The following DMD variants were observed in gnomAD, a reference collection of about 807,000 sequenced individuals.
The protein encoded by DMD is mutant dystrophin.
In DMD, 63 loss-of-function variants were observed where a neutral mutation model predicts 330.1. The observed-to-expected ratio is 0.19, with a 90% CI of 0.16 to 0.24. DMD has a LOEUF of 0.24. Ranked by LOEUF, DMD falls within the 10% of genes least tolerant of loss-of-function variation. The pLI is 1.00. For synonymous variants in DMD, 1,223 were observed against 959.8 expected (o/e 1.27, Z -5.07); for missense variants, 3,344 against 2,684.1 (o/e 1.25, Z -5.43).
At chrX:32,719,031 C>T (rs1430802430) in intron 7 of DMD, among the ~76,000 whole-genome samples, 3 of 111,381 alleles carry the variant, frequency 2.7e-5, no homozygotes, top group Non-Finnish European at 3.8e-5. Context: ...ATTCAATTAC[C>T]TACATATATA....
chrX:32,138,564 A>G (rs1240772775), intron 44 of DMD, among the ~76,000 whole-genome samples: 1 of 111,579 alleles, frequency 9.0e-6, no homozygotes, highest in East Asian at 2.8e-4. Flanking sequence ...ACTTTATTTC[A>G]TCTAATGAAC....
chrX:32,745,888 C>CAG (rs1304392380), intron 7 of DMD, among the ~76,000 whole-genome samples: 16 of 111,525 alleles, frequency 1.4e-4, no homozygotes, highest in Non-Finnish European at 2.3e-4. Context: ...TCTGTATTTT[C>CAG]CTTAATAAAA....
intron 20 of DMD, among the ~76,000 whole-genome samples, chrX:32,487,304 A>T: frequency 8.9e-6 from 1 of 111,889 alleles, no homozygotes; most frequent in East Asian, 2.8e-4. Context: ...GCCCTTTTTA[A>T]AAGTGTTATT....
At chrX:31,421,483 A>G (rs2063358034) in intron 60 of DMD, among the ~76,000 whole-genome samples, 1 of 111,859 alleles carries the variant, frequency 8.9e-6, no homozygotes, top group Admixed American at 9.6e-5. Flanking sequence ...TAAAATCCAC[A>G]TTTCTATCAA....
chrX:32,563,705 C>A (rs781281328), intron 16 of DMD, among the ~76,000 whole-genome samples: 3 of 111,616 alleles, frequency 2.7e-5, no homozygotes, highest in South Asian at 3.7e-4. Flanking sequence ...AGTAATATTT[C>A]GATGACATGT....
intron 45 of DMD, among the ~76,000 whole-genome samples, chrX:31,963,592 C>T (rs1413442142): frequency 9.0e-6 from 1 of 110,749 alleles, no homozygotes; most frequent in African/African-American, 3.3e-5. Context: ...TTTCTACGTA[C>T]TATTCACCTC....
chrX:32,146,935 A>G (rs2096780850), intron 44 of DMD, among the ~76,000 whole-genome samples: 2 of 112,452 alleles, frequency 1.8e-5, no homozygotes, highest in Non-Finnish European at 3.8e-5. Flanking sequence ...CTGACAGCAG[A>G]GTATCTGTTC....
At chrX:33,121,416 A>G (rs901499351) in intron 1 of DMD, among the ~76,000 whole-genome samples, 10 of 110,567 alleles carry the variant, frequency 9.0e-5, no homozygotes, top group African/African-American at 2.6e-4. Flanking sequence ...TATTTTTGGT[A>G]GAGACGGGGT....
At chrX:31,621,947 C>T (rs1301258466) in intron 55 of DMD, among the ~76,000 whole-genome samples, 1 of 111,935 alleles carries the variant, frequency 8.9e-6, no homozygotes, top group Non-Finnish European at 1.9e-5. Context: ...TTTCTCTAAA[C>T]AGAGGTTCTC....
chrX:32,661,081 T>C (rs144321356), intron 9 of DMD, among the ~76,000 whole-genome samples: 72 of 109,369 alleles, frequency 6.6e-4, no homozygotes, highest in African/African-American at 2.4e-3. Flanking sequence ...TGAAAACCTG[T>C]ATATTAAAAA....
At chrX:31,879,797 A>AGAT (rs777166170) in intron 47 of DMD, among the ~76,000 whole-genome samples, 1 of 112,305 alleles carries the variant, frequency 8.9e-6, no homozygotes, top group African/African-American at 3.2e-5. Flanking sequence ...ACGTGGAAAA[A>AGAT]GATTAAGGTT....
chrX:31,859,294 TAA>T (rs1374886095), intron 48 of DMD, among the ~76,000 whole-genome samples: 1 of 111,726 alleles, frequency 9.0e-6, no homozygotes, highest in Admixed American at 9.5e-5. Flanking sequence ...TCCCAACCCA[TAA>T]AAAGAGACTG....
At chrX:31,880,394 T>C (rs1233025218) in intron 47 of DMD, among the ~76,000 whole-genome samples, 11 of 110,984 alleles carry the variant, frequency 9.9e-5, no homozygotes, top group Non-Finnish European at 2.1e-4. Flanking sequence ...TTTTAGCATA[T>C]AAAAAAATCT....
chrX:32,576,531 G>T (rs771856166), intron 13 of DMD, among the ~76,000 whole-genome samples: 1 of 110,890 alleles, frequency 9.0e-6, no homozygotes, highest in Admixed American at 9.7e-5. Flanking sequence ...TTGACAGCAT[G>T]AAGACGCTGG....
At chrX:31,749,858 T>C (rs1446649452) in intron 51 of DMD, among the ~76,000 whole-genome samples, 1 of 105,976 alleles carries the variant, frequency 9.4e-6, no homozygotes, top group Admixed American at 1.0e-4. Context: ...AGATGGTATC[T>C]CATTGTGGTT....
At position 31,169,287 on chromosome X, in the gene DMD, A is replaced by T. The variant is rs763759021; in HGVS notation, c.10553+156T>A. ...TTGTCTTCTTTCAGATAACAAAAAA[A>T]AAAAAGAGAGAGAGAATCTGCAAAT... is the stretch of plus-strand genomic sequence containing the variant. On this transcript the variant is annotated intron_variant, in intron 74 of 78. Coordinates refer to ENST00000357033, the MANE Select transcript of DMD (RefSeq NM_004006.3). Among the ~76,000 whole-genome samples, 6 of 111,487 alleles carry T rather than the reference A, an allele frequency of 5.4e-5. No homozygotes were observed. In the East Asian group the frequency reaches 1.4e-3, roughly 26 times the overall value.
chrX:31,573,842 G>C (rs1172711862), intron 55 of DMD, among the ~76,000 whole-genome samples: 1 of 110,607 alleles, frequency 9.0e-6, no homozygotes, highest in Non-Finnish European at 1.9e-5. Context: ...CAACAGCCAG[G>C]GTTCAGTATT....
At chrX:32,437,938 G>A (rs781094430) in intron 29 of DMD, among the ~76,000 whole-genome samples, 1 of 112,150 alleles carries the variant, frequency 8.9e-6, no homozygotes, top group Non-Finnish European at 1.9e-5. Context: ...AAATGAGACA[G>A]CGAGAGAGAA....
intron 18 of DMD, among the ~76,000 whole-genome samples, chrX:32,511,956 C>A (rs1049668320): frequency 2.1e-4 from 23 of 111,306 alleles, no homozygotes; most frequent in African/African-American, 7.5e-4. Context: ...TATACAGAAG[C>A]TAAAAAAGGC....
Sources: gnomAD v4.1 joint callset for allele counts (sites outside exome capture counted in the v4.1 genomes callset) on GRCh38, gnomAD v4.1.1 for gene constraint, MANE v1.5 for transcripts, NCBI Gene and HGNC (gene_info 2026-07-23, HGNC 2026-07-21) for gene names.